The following PABPC4L variants were observed in gnomAD, a reference collection of about 807,000 sequenced individuals.
PABPC4L encodes the protein poly(A) binding protein cytoplasmic 4 like, also known as polyadenylate-binding protein 4-like.
For synonymous variants in PABPC4L, 169 were observed against 164.1 expected (o/e 1.03, Z -0.23); for missense variants, 452 against 451.4 (o/e 1.00, Z -0.01).
the PABPC4L span, among the ~76,000 whole-genome samples, chr4:133,979,815 G>A: frequency 6.6e-6 from 1 of 152,026 alleles, no homozygotes; most frequent in Non-Finnish European, 1.5e-5. Flanking sequence ...ATTTTGGCAT[G>A]AATTTTTACA....
chr4:134,160,720 TTAGC>T, the PABPC4L span, among the ~76,000 whole-genome samples: 1 of 151,920 alleles, frequency 6.6e-6, no homozygotes, highest in Non-Finnish European at 1.5e-5. Context: ...TCTCAAAATA[TTAGC>T]CAGGTGGTAT....
At chr4:134,184,234 G>A in the PABPC4L span, among the ~76,000 whole-genome samples, 1 of 151,772 alleles carries the variant, frequency 6.6e-6, no homozygotes, top group South Asian at 2.1e-4. Flanking sequence ...GATACTGCAG[G>A]AAAAGGCTAA....
At chr4:134,112,904 T>C in the PABPC4L span, among the ~76,000 whole-genome samples, 1 of 151,882 alleles carries the variant, frequency 6.6e-6, no homozygotes, top group Admixed American at 6.6e-5. Flanking sequence ...TGTTACTGCT[T>C]CTGAAGACCT....
At chr4:133,968,269 A>AGAGATTAGGAGGTTT in the PABPC4L span, among the ~76,000 whole-genome samples, 1 of 152,222 alleles carries the variant, frequency 6.6e-6, no homozygotes, top group Non-Finnish European at 1.5e-5. Flanking sequence ...GGAATAGGCT[A>AGAGATTAGGAGGTTT]GAGATTAGGA....
the PABPC4L span, among the ~76,000 whole-genome samples, chr4:133,982,498 G>T: frequency 1.3e-5 from 2 of 151,962 alleles, no homozygotes; most frequent in Non-Finnish European, 2.9e-5. Flanking sequence ...CATTTATGGT[G>T]AATTCTTTTT....
the PABPC4L span, among the ~76,000 whole-genome samples, chr4:134,023,527 T>C: frequency 6.6e-6 from 1 of 152,136 alleles, no homozygotes; most frequent in Non-Finnish European, 1.5e-5. Context: ...TGTGCCCTAT[T>C]CTACATATCT....
At chr4:134,130,715 TA>T in the PABPC4L span, among the ~76,000 whole-genome samples, 6 of 151,346 alleles carry the variant, frequency 4.0e-5, no homozygotes, top group Non-Finnish European at 7.4e-5. Flanking sequence ...GAAAAGGACA[TA>T]AAAAAAACTA....
At chr4:134,070,694 A>G in the PABPC4L span, among the ~76,000 whole-genome samples, 1 of 152,176 alleles carries the variant, frequency 6.6e-6, no homozygotes, top group East Asian at 1.9e-4. Flanking sequence ...GAACTGGTAC[A>G]TGTTGGTGGA....
the PABPC4L span, among the ~76,000 whole-genome samples, chr4:134,175,406 T>G: frequency 2.7e-5 from 4 of 150,058 alleles, no homozygotes; most frequent in African/African-American, 1.0e-4. Flanking sequence ...TTTTAATAAT[T>G]TAATTTAATT....
the PABPC4L span, among the ~76,000 whole-genome samples, chr4:134,138,449 G>A: frequency 6.6e-6 from 1 of 151,706 alleles, no homozygotes; most frequent in African/African-American, 2.4e-5. Flanking sequence ...AGTAACTCTA[G>A]TGATTACTTA....
chr4:134,085,695 TC>T, the PABPC4L span, among the ~76,000 whole-genome samples: 5 of 152,314 alleles, frequency 3.3e-5, no homozygotes, highest in Admixed American at 3.3e-4. Flanking sequence ...TGCATTTGAA[TC>T]TTTCCATTCA....
the PABPC4L span, among the ~76,000 whole-genome samples, chr4:134,107,757 G>C: frequency 6.6e-6 from 1 of 151,524 alleles, no homozygotes; most frequent in African/African-American, 2.4e-5. Flanking sequence ...CTCATAATTT[G>C]AGACACTATT....
At chr4:134,182,233 A>G in the PABPC4L span, among the ~76,000 whole-genome samples, 1 of 152,124 alleles carries the variant, frequency 6.6e-6, no homozygotes, top group African/African-American at 2.4e-5. Context: ...TATAGTAACC[A>G]AAACAGCATG....
the PABPC4L span, among the ~76,000 whole-genome samples, chr4:134,006,254 G>T: frequency 2.2e-4 from 34 of 151,260 alleles, no homozygotes; most frequent in African/African-American, 7.3e-4. Context: ...ATTTCTTTGT[G>T]ATTTTTTTTC....
the PABPC4L span, among the ~76,000 whole-genome samples, chr4:134,036,973 T>C: frequency 2.0e-5 from 3 of 151,836 alleles, no homozygotes; most frequent in Admixed American, 6.6e-5. Flanking sequence ...GATGAATCAT[T>C]TGAACCCAGG....
the PABPC4L span, among the ~76,000 whole-genome samples, chr4:133,998,160 C>A: frequency 1.3e-5 from 2 of 151,300 alleles, no homozygotes; most frequent in African/African-American, 4.8e-5. Flanking sequence ...TTTTCCTATC[C>A]TATGGTTATA....
At chr4:134,084,185 A>T in the PABPC4L span, among the ~76,000 whole-genome samples, 2 of 152,052 alleles carry the variant, frequency 1.3e-5, no homozygotes, top group African/African-American at 4.8e-5. Flanking sequence ...AGTAGCTAGG[A>T]CTACAGGCTC....
chr4:134,029,115 T>C, the PABPC4L span, among the ~76,000 whole-genome samples: 1 of 152,140 alleles, frequency 6.6e-6, no homozygotes, highest in Non-Finnish European at 1.5e-5. Flanking sequence ...AAACAGCAAA[T>C]GTATGAGCAA....
the PABPC4L span, among the ~76,000 whole-genome samples, chr4:134,013,067 C>T: frequency 6.6e-6 from 1 of 152,030 alleles, no homozygotes; most frequent in African/African-American, 2.4e-5. Flanking sequence ...GGTCCTTCAC[C>T]CTTAGCAGCA....
Sources: allele counts gnomAD v4.1 joint callset (sites outside exome capture counted in the v4.1 genomes callset), GRCh38; gene constraint gnomAD v4.1.1; transcripts MANE v1.5; gene names NCBI Gene and HGNC (gene_info 2026-07-23, HGNC 2026-07-21).